Variants in UROC1 observed in about 807,000 individuals in gnomAD.
The protein encoded by UROC1 is urocanate hydratase.
UROC1 carries 79 observed loss-of-function variants against 89.5 expected under a neutral mutation model. The ratio of observed to expected loss-of-function variants is 0.88; its 90% CI spans 0.74 to 1.06. The LOEUF (loss-of-function observed/expected upper bound fraction) is 1.06. Ranked by LOEUF, UROC1 falls within the 50% of genes least tolerant of loss-of-function variation. The pLI, the probability that UROC1 is intolerant of heterozygous loss-of-function variation, is 0.00. For synonymous variants in UROC1, 361 were observed against 354.8 expected (o/e 1.02, Z -0.20); for missense variants, 885 against 907.8 (o/e 0.97, Z 0.32).
At position 126,488,251 on chromosome 3, in the gene UROC1, A is replaced by G. The variant is rs1324222355; in HGVS notation, c.1737T>C (p.Asp579=). ...CGACCCAGGTGGCTCCGCGACAGGC[A>G]TCTCCCACGAAGTTCTGCACAGCCA... is the stretch of plus-strand genomic sequence containing the variant. ...ADMAVQNFVG[D]ACRGATWVAL... is the part of the protein sequence containing the mutation. Residue 579 remains aspartate (D), a synonymous_variant, in exon 18 of 20, where the codon GAT becomes GAC. Transcript: ENST00000290868. The G allele has an allele frequency of 6.2e-7, 1 of 1,614,110 alleles. No homozygotes were observed. The highest frequency in any genetic ancestry group is 8.5e-7 in the Non-Finnish European group (1 of 1,180,056).
intron 17 of UROC1, among the ~76,000 whole-genome samples, 158 bp from the exon 18 acceptor site, chr3:126,488,437 T>C (rs550362534): frequency 6.6e-6 from 1 of 152,362 alleles, no homozygotes; most frequent in Non-Finnish European, 1.5e-5. Flanking sequence ...AGCAGTCGTG[T>C]GTGCTGGCAG....
intron 2 of UROC1, 151 bp from the exon 3 acceptor site, chr3:126,509,829 C>A (rs925197124): frequency 3.8e-6 from 3 of 785,548 alleles, no homozygotes; most frequent in Non-Finnish European, 6.5e-6. Flanking sequence ...GCTCCAGAGC[C>A]ACTAGGGCTG....
intron 10 of UROC1, 74 bp from the exon 11 acceptor site, chr3:126,500,948 G>A (rs1327209020): frequency 1.3e-6 from 2 of 1,574,260 alleles, no homozygotes; most frequent in South Asian, 2.2e-5. Context: ...GCCAGGTGGG[G>A]ACCCTAGCAC....
intron 16 of UROC1, among the ~76,000 whole-genome samples, chr3:126,491,930 T>C (rs1175258130): frequency 6.6e-6 from 1 of 151,944 alleles, no homozygotes; most frequent in African/African-American, 2.4e-5. Context: ...CTGCCCAAGG[T>C]CACACAGCAG....
chr3:126,509,936 C>T (rs1490811421), intron 2 of UROC1, among the ~76,000 whole-genome samples: 1 of 152,274 alleles, frequency 6.6e-6, no homozygotes, highest in Non-Finnish European at 1.5e-5. Context: ...GAACTGATGG[C>T]TGCTCTCCAG....
intron 14 of UROC1, among the ~76,000 whole-genome samples, chr3:126,496,467 G>A (rs1935779803): frequency 6.6e-6 from 1 of 152,200 alleles, no homozygotes; most frequent in South Asian, 2.1e-4. Context: ...GATGGTGGAT[G>A]CGGGGGCTTT....
Position 126,498,037 on chromosome 3 carries a change from A to G in UROC1, c.1438+14T>C, listed in dbSNP as rs1405274942. Reference sequence around the variant, plus strand: ...GGGCCACCCACCCATGGGCATCCCCACCAATGGCGTCACCTCCATCAGCAA... The same window carrying G: ...GGGCCACCCACCCATGGGCATCCCCGCCAATGGCGTCACCTCCATCAGCAA... On this transcript the variant is annotated intron_variant, in intron 14 of 19. Coordinates refer to ENST00000290868, the MANE Select transcript of UROC1 (RefSeq NM_144639.3). 1.2e-6 allele frequency: 2 copies of G among 1,613,984 alleles called. No homozygotes were observed. Among genetic ancestry groups the G allele is most frequent in the East Asian group, 4.5e-5 (2 of 44,880 alleles).
intron 19 of UROC1, 107 bp from the exon 20 acceptor site, chr3:126,482,592 T>A (rs1935415523): frequency 6.5e-7 from 1 of 1,546,728 alleles, no homozygotes; most frequent in Non-Finnish European, 8.9e-7. Flanking sequence ...TCTGAGGCTG[T>A]CCGTGGGGAC....
chr3:126,515,165 G>A (rs558000768), intron 1 of UROC1, among the ~76,000 whole-genome samples: 1 of 152,152 alleles, frequency 6.6e-6, no homozygotes, highest in Admixed American at 6.5e-5. Flanking sequence ...ACAGCCACAG[G>A]GAGCTGATCA....
chr3:126,501,970 C>G lies in UROC1; in HGVS notation c.903-690G>C, dbSNP rs376830105. On this transcript the variant is annotated intron_variant, in intron 9 of 19. Transcript: ENST00000290868. Reference sequence around the variant, plus strand: ...GACCCTGTGGGAACCGTGAGCAGAGCTCACTCCATTCCCATGGGTCTTCCT... The same window carrying G: ...GACCCTGTGGGAACCGTGAGCAGAGGTCACTCCATTCCCATGGGTCTTCCT... 6.6e-5 allele frequency: 103 copies of G among 1,568,888 alleles called. 1 individual carries two copies. The African/African-American group carries it at 1.3e-3, about 20-fold the overall frequency.
intron 1 of UROC1, 25 bp downstream of exon 1, chr3:126,517,569 T>C: frequency 6.2e-7 from 1 of 1,612,128 alleles, no homozygotes; most frequent in Non-Finnish European, 8.5e-7. Context: ...GGCCAAGGCC[T>C]CGGGAGCACG....
rs1935440117 is a variant in UROC1 at position 126,483,468 on chromosome 3, C to G, written c.1791G>C (p.Trp597Cys). Residue 597 changes from tryptophan to cysteine, a missense_variant and splice_region_variant, in exon 19 of 20, where the codon TGG (tryptophan) becomes TGC (cysteine). Physicochemically the swap from Trp to Cys is radical, Grantham distance 215. Transcript: ENST00000290868. ...VALHNGGGVG[W>C]GEVINGGFGL... is the part of the protein sequence containing the mutation. ...CGAATCCCCCGTTGATCACCTCACC[C>G]CTGCAGGAGGCAGAGGAGTTTCCAG... 2 of 1,613,744 alleles carry G rather than the reference C, an allele frequency of 1.2e-6. No homozygotes were observed. Among genetic ancestry groups the G allele is most frequent in the Non-Finnish European group, 1.7e-6 (2 of 1,179,966 alleles).
chr3:126,501,157 T>C (rs941072786), intron 10 of UROC1, 61 bp downstream of exon 10: 2 of 1,558,318 alleles, frequency 1.3e-6, no homozygotes, highest in Non-Finnish European at 8.9e-7. Context: ...CATTGAGGTC[T>C]TTGCTCAGGG....
At chr3:126,511,103 C>T (rs1029101832) in intron 1 of UROC1, among the ~76,000 whole-genome samples, 1 of 152,126 alleles carries the variant, frequency 6.6e-6, no homozygotes, top group Non-Finnish European at 1.5e-5. Context: ...CAGAGAGGGG[C>T]CTGCCTGAGG....
intron 14 of UROC1, among the ~76,000 whole-genome samples, chr3:126,497,137 G>A (rs1292602463): frequency 6.6e-6 from 1 of 152,020 alleles, no homozygotes; most frequent in East Asian, 1.9e-4. Flanking sequence ...CCCTCTGCCT[G>A]GCTCTCCTAC....
intron 14 of UROC1, among the ~76,000 whole-genome samples, chr3:126,496,934 C>A (rs1367494304): frequency 1.3e-5 from 2 of 152,164 alleles, no homozygotes; most frequent in Non-Finnish European, 2.9e-5. Flanking sequence ...AGTCTTTACT[C>A]CAGGGTCTTC....
At chr3:126,488,407 G>A in intron 17 of UROC1, 128 bp from the exon 18 acceptor site, 1 of 958,430 alleles carries the variant, frequency 1.0e-6, no homozygotes, top group Non-Finnish European at 1.6e-6. Context: ...CTAGGCCCTA[G>A]GGACAGGGCC....
intron 9 of UROC1, chr3:126,502,060 A>G (rs1935935659): frequency 8.8e-7 from 1 of 1,132,098 alleles, no homozygotes. Flanking sequence ...ACTGATTTTG[A>G]TGTATGTGTA....
chr3:126,491,015 G>A (rs1935638909), intron 16 of UROC1, among the ~76,000 whole-genome samples: 1 of 152,166 alleles, frequency 6.6e-6, no homozygotes, highest in Non-Finnish European at 1.5e-5. Context: ...GCCAGAAGAT[G>A]CATCCTGACA....
Sources: gnomAD v4.1 joint callset for allele counts (sites outside exome capture counted in the v4.1 genomes callset) on GRCh38, gnomAD v4.1.1 for gene constraint, MANE v1.5 for transcripts, NCBI Gene and HGNC (gene_info 2026-07-23, HGNC 2026-07-21) for gene names.